The following GABRA3 variants were observed in gnomAD, a reference collection of about 807,000 sequenced individuals.
GABRA3 encodes gamma-aminobutyric acid type A receptor subunit alpha3, also known as gamma-aminobutyric acid receptor subunit alpha-3.
In GABRA3, 10 loss-of-function variants were observed where a neutral mutation model predicts 30.1. That is an observed-to-expected ratio of 0.33 (90% CI 0.20 to 0.56). The LOEUF (loss-of-function observed/expected upper bound fraction) is 0.56. Among genes scored for constraint, GABRA3 ranks in the 20% least tolerant of loss-of-function variants. The pLI, the probability that GABRA3 is intolerant of heterozygous loss-of-function variation, is 0.89. For synonymous variants in GABRA3, 151 were observed against 146.8 expected (o/e 1.03, Z -0.21); for missense variants, 233 against 392.0 (o/e 0.59, Z 3.42).
intron 1 of GABRA3, among the ~76,000 whole-genome samples, chrX:152,401,266 G>GTGTATATATATATATA (rs1340682706): frequency 1.0e-5 from 1 of 97,318 alleles, no homozygotes; most frequent in African/African-American, 4.0e-5. Context: ...TTTAATGTGT[G>GTGTATATATATATATA]TATATATATA....
chrX:152,439,631 A>T (rs1930868384), intron 1 of GABRA3, among the ~76,000 whole-genome samples: 1 of 111,946 alleles, frequency 8.9e-6, no homozygotes, highest in Admixed American at 9.5e-5. Flanking sequence ...ATAAAAATAT[A>T]TGTGAAGCAA....
intron 1 of GABRA3, among the ~76,000 whole-genome samples, chrX:152,433,988 A>T (rs1256992680): frequency 8.9e-6 from 1 of 112,075 alleles, no homozygotes; most frequent in Non-Finnish European, 1.9e-5. Context: ...GATAATCTAT[A>T]GCTTTTTATC....
chrX:152,387,766 C>A (rs773849246), intron 1 of GABRA3, among the ~76,000 whole-genome samples: 139 of 111,468 alleles, frequency 1.2e-3, no homozygotes, highest in African/African-American at 4.5e-3. Flanking sequence ...TGAACAAAAG[C>A]TTTTTAAAAA....
chrX:152,341,448 C>T (rs1383416527), intron 3 of GABRA3, among the ~76,000 whole-genome samples: 1 of 110,851 alleles, frequency 9.0e-6, no homozygotes, highest in Admixed American at 9.7e-5. Flanking sequence ...TTTAAGGAAT[C>T]TCCATACTGT....
chrX:152,421,257 T>A (rs1035022228), intron 1 of GABRA3, among the ~76,000 whole-genome samples: 2 of 110,972 alleles, frequency 1.8e-5, no homozygotes, highest in Admixed American at 9.7e-5. Flanking sequence ...CTGTAAGCCA[T>A]AGAAATTTAC....
chrX:152,173,314 G>T (rs1209887400), intron 9 of GABRA3, among the ~76,000 whole-genome samples: 1 of 110,584 alleles, frequency 9.0e-6, no homozygotes, highest in African/African-American at 3.3e-5. Context: ...AGGAAAGAAT[G>T]GATGAGATTA....
At chrX:152,444,877 C>T (rs1398425301) in intron 1 of GABRA3, among the ~76,000 whole-genome samples, 1 of 92,637 alleles carries the variant, frequency 1.1e-5, no homozygotes, top group African/African-American at 3.9e-5. Flanking sequence ...CCGGCTAAAA[C>T]GGTGAAACCC....
chrX:152,326,048 G>A (rs1000843282), intron 3 of GABRA3, among the ~76,000 whole-genome samples: 2 of 111,401 alleles, frequency 1.8e-5, no homozygotes, highest in Non-Finnish European at 3.8e-5. Context: ...CTAGGACTAC[G>A]TGACACATGC....
intron 5 of GABRA3, among the ~76,000 whole-genome samples, chrX:152,228,544 A>G (rs1236900156): frequency 9.0e-6 from 1 of 111,041 alleles, no homozygotes; most frequent in Non-Finnish European, 1.9e-5. Flanking sequence ...GTGTCTTGGA[A>G]ATAATAATAT....
At chrX:152,345,456 G>C (rs1325221778) in intron 3 of GABRA3, 125 bp downstream of exon 3, 10 of 726,811 alleles carry the variant, frequency 1.4e-5, no homozygotes, top group Non-Finnish European at 2.0e-5. Context: ...TCATAGGGAA[G>C]AAATTCAGCT....
intron 1 of GABRA3, among the ~76,000 whole-genome samples, chrX:152,374,350 T>C (rs1279831771): frequency 1.1e-5 from 1 of 91,156 alleles, no homozygotes; most frequent in Non-Finnish European, 2.1e-5. Context: ...TTTTTTTTTT[T>C]TTTTTTTTTG....
chrX:152,228,222 G>A, intron 5 of GABRA3, among the ~76,000 whole-genome samples: 1 of 111,605 alleles, frequency 9.0e-6, no homozygotes, highest in Non-Finnish European at 1.9e-5. Context: ...GAGATAAGGA[G>A]GGCAAGAAGA....
intron 3 of GABRA3, among the ~76,000 whole-genome samples, chrX:152,287,287 A>G (rs746403583): frequency 9.0e-6 from 1 of 111,503 alleles, no homozygotes. Context: ...TATAGGTAAT[A>G]TGATTTGGCT....
intron 9 of GABRA3, among the ~76,000 whole-genome samples, chrX:152,187,532 C>G (rs1385959838): frequency 8.9e-6 from 1 of 111,885 alleles, no homozygotes; most frequent in Non-Finnish European, 1.9e-5. Context: ...TACACATGCA[C>G]AAGCACATAC....
intron 4 of GABRA3, among the ~76,000 whole-genome samples, chrX:152,275,208 A>ATT (rs751082409): frequency 0.018 from 903 of 49,775 alleles, 36 homozygotes; most frequent in Non-Finnish European, 0.022. Context: ...ATTTATATAT[A>ATT]TAATATTATA....
At chrX:152,266,948 C>T (rs747750282) in intron 4 of GABRA3, among the ~76,000 whole-genome samples, 7 of 111,037 alleles carry the variant, frequency 6.3e-5, no homozygotes, top group African/African-American at 2.3e-4. Context: ...AAAAGAACTA[C>T]TAAAAGAAGA....
chrX:152,368,466 G>T (rs185012740), intron 1 of GABRA3, among the ~76,000 whole-genome samples: 63 of 111,039 alleles, frequency 5.7e-4, no homozygotes, highest in African/African-American at 1.9e-3. Flanking sequence ...CAAATGACAA[G>T]ATTTCACTGT....
chrX:152,304,137 T>G lies in GABRA3; in HGVS notation c.263-19402A>C, dbSNP rs772521745. Among the ~76,000 whole-genome samples the G allele has an allele frequency of 5.4e-5, 6 of 112,070 alleles. No homozygotes were observed. The East Asian group carries it at 1.7e-3, about 32-fold the overall frequency. On this transcript the variant is annotated intron_variant, in intron 3 of 9. Coordinates refer to ENST00000370314, the MANE Select transcript of GABRA3 (RefSeq NM_000808.4). ...AGAAGTGTCCATGTTATTTGCCCACTTTTTAATGGAGTTGTTTTTTGCTTC... is the reference window on the plus strand; with the variant it reads ...AGAAGTGTCCATGTTATTTGCCCACGTTTTAATGGAGTTGTTTTTTGCTTC...
chrX:152,430,020 T>A (rs1308425510), intron 1 of GABRA3, among the ~76,000 whole-genome samples: 1 of 112,071 alleles, frequency 8.9e-6, no homozygotes, highest in African/African-American at 3.2e-5. Flanking sequence ...AAATGTTGAG[T>A]AGCCATTATT....
Sources: gnomAD v4.1 joint callset for allele counts (sites outside exome capture counted in the v4.1 genomes callset) on GRCh38, gnomAD v4.1.1 for gene constraint, MANE v1.5 for transcripts, NCBI Gene and HGNC (gene_info 2026-07-23, HGNC 2026-07-21) for gene names.